Variants in TRABD2B observed in about 807,000 individuals in gnomAD.
TRABD2B encodes the protein TraB domain containing 2B, also known as metalloprotease TIKI2.
A neutral mutation model predicts 40.1 loss-of-function variants in TRABD2B; 14 were observed. That is an observed-to-expected ratio of 0.35 (90% CI 0.23 to 0.55). The LOEUF (loss-of-function observed/expected upper bound fraction) is 0.55. Ranked by LOEUF, TRABD2B falls within the 20% of genes least tolerant of loss-of-function variation. TRABD2B has a pLI of 0.90. For missense variants in TRABD2B, 541 were observed against 648.6 expected (o/e 0.83, Z 1.80); for synonymous variants, 263 against 277.0 (o/e 0.95, Z 0.50).
At chr1:47,951,548 C>A (rs1645344342) in intron 2 of TRABD2B, among the ~76,000 whole-genome samples, 1 of 152,172 alleles carries the variant, frequency 6.6e-6, no homozygotes, top group African/African-American at 2.4e-5. Flanking sequence ...TGCAGAGGGG[C>A]AGGCTCCAGG....
chr1:47,962,010 A>G (rs936242396), intron 2 of TRABD2B, among the ~76,000 whole-genome samples: 3 of 152,188 alleles, frequency 2.0e-5, no homozygotes, highest in African/African-American at 7.2e-5. Context: ...TGGCACATAT[A>G]CACCATGGAA....
chr1:47,989,045 A>G (rs1487262818), intron 2 of TRABD2B, among the ~76,000 whole-genome samples: 3 of 152,222 alleles, frequency 2.0e-5, no homozygotes. Context: ...AAAAGAAGCT[A>G]GAGGAAGCTT....
chr1:47,782,848 G>T (rs1332519393), intron 4 of TRABD2B, among the ~76,000 whole-genome samples: 1 of 152,214 alleles, frequency 6.6e-6, no homozygotes, highest in East Asian at 1.9e-4. Context: ...CTCCAAAGGG[G>T]CCCCACGATG....
intron 2 of TRABD2B, among the ~76,000 whole-genome samples, chr1:47,955,813 C>T (rs575441018): frequency 6.6e-6 from 1 of 152,192 alleles, no homozygotes; most frequent in Admixed American, 6.5e-5. Context: ...TTGGGCCAAG[C>T]CTGCCAGGCC....
chr1:47,795,665 T>A (rs1330842848), intron 3 of TRABD2B: 1 of 985,254 alleles, frequency 1.0e-6, no homozygotes, highest in Non-Finnish European at 1.2e-6. Context: ...ATGGGCTACA[T>A]TCAGCACATG....
rs555627977 is a variant in TRABD2B, at chr1:47,765,697, C to A, written c.*205G>T. 3.3e-6 allele frequency: 2 copies of A among 603,218 alleles called. No homozygotes were observed. The highest frequency in any genetic ancestry group is 5.9e-6 in the Non-Finnish European group (2 of 339,752). 37.4% of individuals were successfully genotyped at this position (603,218 alleles called of 1,614,324 possible). A position where few individuals can be genotyped will look rare whatever the true frequency, so the allele number is the denominator to read the frequency against. On this transcript the variant is annotated 3_prime_UTR_variant, in exon 7 of 7. Transcript: ENST00000606738. ...TATGGACACGTATTTTACAAAAGAG[C>A]CCCATAGCACTATGGGAAATTAAGA...
intron 2 of TRABD2B, among the ~76,000 whole-genome samples, chr1:47,971,819 AC>A (rs1216386444): frequency 1.3e-5 from 2 of 151,340 alleles, no homozygotes; most frequent in African/African-American, 4.9e-5. Context: ...CATTCCCACC[AC>A]CCCTCCCACT....
intron 6 of TRABD2B, among the ~76,000 whole-genome samples, chr1:47,774,275 G>A (rs1039075490): frequency 6.6e-6 from 1 of 152,170 alleles, no homozygotes; most frequent in Non-Finnish European, 1.5e-5. Flanking sequence ...GAGAGTCTAA[G>A]GCTCCCCCTG....
intron 6 of TRABD2B, among the ~76,000 whole-genome samples, chr1:47,768,242 G>A (rs529186904): frequency 1.3e-5 from 2 of 152,274 alleles, no homozygotes; most frequent in Admixed American, 1.3e-4. Flanking sequence ...AGACTCCAAG[G>A]AACTATCAGG....
chr1:47,773,513 G>T lies in TRABD2B; in HGVS notation c.1349+1657C>A, dbSNP rs537413758. On this transcript the variant is annotated intron_variant, in intron 6 of 6. Transcript: ENST00000606738. The stretch of plus-strand genomic sequence containing the variant: ...GGGAGATAATTGAATCATGGGGGCG[G>T]TTTCCCACGTACTATTCTTGTGGCA... 3.3e-5 allele frequency among the ~76,000 whole-genome samples: 5 copies of T among 152,354 alleles called. No individual in the cohort carries two copies. The South Asian group carries it at 8.3e-4, about 25-fold the overall frequency.
chr1:47,841,786 C>CTTTTTTT (rs780669674), intron 2 of TRABD2B, among the ~76,000 whole-genome samples: 3 of 136,466 alleles, frequency 2.2e-5, no homozygotes, highest in Admixed American at 7.4e-5. Flanking sequence ...TTTTCTTTTT[C>CTTTTTTT]TTTTTTTTTT....
chr1:47,984,908 G>C (rs147724539), intron 2 of TRABD2B, among the ~76,000 whole-genome samples: 40 of 152,228 alleles, frequency 2.6e-4, no homozygotes, highest in African/African-American at 9.6e-4. Context: ...CGTTCTTCTC[G>C]CTCACTACGT....
intron 2 of TRABD2B, among the ~76,000 whole-genome samples, chr1:47,863,149 G>A (rs1643998732): frequency 6.6e-6 from 1 of 151,602 alleles, no homozygotes; most frequent in African/African-American, 2.4e-5. Flanking sequence ...ATGGCTTTCA[G>A]TTTGGTGGTG....
At chr1:47,880,736 G>T (rs1030322041) in intron 2 of TRABD2B, among the ~76,000 whole-genome samples, 1 of 152,234 alleles carries the variant, frequency 6.6e-6, no homozygotes, top group Non-Finnish European at 1.5e-5. Context: ...TCTGAGTCCT[G>T]GGACTGGGTC....
chr1:47,841,398 C>T (rs1645394782), intron 2 of TRABD2B, among the ~76,000 whole-genome samples: 1 of 152,240 alleles, frequency 6.6e-6, no homozygotes, highest in Non-Finnish European at 1.5e-5. Flanking sequence ...TTCACCTGTT[C>T]CTATATCTGC....
At chr1:47,916,201 T>C (rs988318116) in intron 2 of TRABD2B, among the ~76,000 whole-genome samples, 13 of 151,966 alleles carry the variant, frequency 8.6e-5, no homozygotes, top group African/African-American at 3.1e-4. Context: ...CAGACGGAGA[T>C]GAAATCTGCT....
rs146953728 is a variant in TRABD2B at position 47,784,755 on chromosome 1, C to T, written c.989-6211G>A. 1.1e-3 allele frequency among the ~76,000 whole-genome samples: 167 copies of T among 152,300 alleles called. 1 individual carries two copies. Among genetic ancestry groups the T allele is most frequent in the African/African-American group, 3.8e-3 (156 of 41,570 alleles). On this transcript the variant is annotated intron_variant, in intron 4 of 6. Coordinates refer to ENST00000606738, the MANE Select transcript of TRABD2B (RefSeq NM_001194986.2). ...CAAAGAGTGTCTGGAGGGACACTGG[C>T]AGAGCCGAGCTTCCTTTCTCCTGCT...
rs371381429 is a variant in TRABD2B at position 47,770,017 on chromosome 1, C to T, written c.1350-3911G>A. ...CAGCTGTCTGACCATGAGGCACCTCCAAGGGGCTCCCTGGAGCAGGGGTGG... is the reference window on the plus strand; with the variant it reads ...CAGCTGTCTGACCATGAGGCACCTCTAAGGGGCTCCCTGGAGCAGGGGTGG... On this transcript the variant is annotated intron_variant, in intron 6 of 6. Transcript: ENST00000606738. 2.6e-5 allele frequency among the ~76,000 whole-genome samples: 4 copies of T among 152,114 alleles called. No individual in the cohort carries two copies. The East Asian group carries it at 5.8e-4, about 22-fold the overall frequency.
intron 2 of TRABD2B, among the ~76,000 whole-genome samples, chr1:47,921,286 T>C (rs1181581096): frequency 1.3e-5 from 2 of 152,184 alleles, no homozygotes; most frequent in African/African-American, 4.8e-5. Flanking sequence ...GGGCTGGAGA[T>C]GATGATCTCC....
Sources: allele counts gnomAD v4.1 joint callset (sites outside exome capture counted in the v4.1 genomes callset), GRCh38; gene constraint gnomAD v4.1.1; transcripts MANE v1.5; gene names NCBI Gene and HGNC (gene_info 2026-07-23, HGNC 2026-07-21).